PRDM2: variants seen among roughly 807,000 people sequenced by gnomAD.
The protein encoded by PRDM2 is PR/SET domain 2.
PRDM2 carries 30 observed loss-of-function variants against 130.0 expected under a neutral mutation model. The ratio of observed to expected loss-of-function variants is 0.23; its 90% CI spans 0.17 to 0.31. The LOEUF is 0.31. Among genes scored for constraint, PRDM2 ranks in the 10% least tolerant of loss-of-function variants. The pLI, the probability that PRDM2 is intolerant of heterozygous loss-of-function variation, is 1.00. For synonymous variants in PRDM2, 871 were observed against 782.4 expected (o/e 1.11, Z -1.89); for missense variants, 2,011 against 2,108.4 (o/e 0.95, Z 0.90).
At chr1:13,755,163 C>G (rs757366881) in intron 6 of PRDM2, among the ~76,000 whole-genome samples, 1 of 152,124 alleles carries the variant, frequency 6.6e-6, no homozygotes, top group Non-Finnish European at 1.5e-5. Context: ...CTGAATTGCT[C>G]CAAATTTAGA....
chr1:13,723,417 A>G (rs1055404646), intron 2 of PRDM2, among the ~76,000 whole-genome samples: 10 of 152,166 alleles, frequency 6.6e-5, no homozygotes, highest in African/African-American at 2.4e-4. Context: ...TGCTGCTAAT[A>G]TGTGCAGGAT....
At chr1:13,784,644 A>C (rs1644696834) in intron 8 of PRDM2, among the ~76,000 whole-genome samples, 1 of 152,232 alleles carries the variant, frequency 6.6e-6, no homozygotes, top group Non-Finnish European at 1.5e-5. Flanking sequence ...AAGGGCCTTA[A>C]AAATCATGTC....
At chr1:13,769,004 C>A in intron 6 of PRDM2, 1 of 404,954 alleles carries the variant, frequency 2.5e-6, no homozygotes, top group South Asian at 1.0e-4. Flanking sequence ...AATTTCTCAT[C>A]TTGATGTATT....
At chr1:13,776,453 C>T (rs893378002) in intron 7 of PRDM2, among the ~76,000 whole-genome samples, 6 of 152,172 alleles carry the variant, frequency 3.9e-5, no homozygotes, top group African/African-American at 1.2e-4. Context: ...CACGAAACCG[C>T]GATTACAGCT....
chr1:13,778,980 T>C lies in PRDM2; in HGVS notation c.1185T>C (p.Cys395=). 6.2e-7 allele frequency: 1 copy of C among 1,614,168 alleles called. No homozygotes were observed. The highest frequency in any genetic ancestry group is 8.5e-7 in the Non-Finnish European group (1 of 1,180,036). Residue 395 remains cysteine (C), a synonymous_variant, in exon 8 of 10, where the codon TGT becomes TGC. Coordinates refer to ENST00000311066, the MANE Select transcript of PRDM2 (RefSeq NM_001393986.1). ...TVNHAFKCKY[C]GKAFGTQINR... ...ATCATGCTTTCAAATGCAAGTACTGTGGGAAAGCCTTTGGCACACAGATTA... is the reference window on the plus strand; with the variant it reads ...ATCATGCTTTCAAATGCAAGTACTGCGGGAAAGCCTTTGGCACACAGATTA...
At chr1:13,718,206 G>A (rs956728014) in intron 2 of PRDM2, among the ~76,000 whole-genome samples, 2 of 152,114 alleles carry the variant, frequency 1.3e-5, no homozygotes, top group Admixed American at 6.5e-5. Context: ...ATAAAATCCC[G>A]ATGGTTATTT....
chr1:13,791,287 T>G (rs1170651147), intron 8 of PRDM2, among the ~76,000 whole-genome samples: 3 of 152,166 alleles, frequency 2.0e-5, no homozygotes, highest in African/African-American at 7.2e-5. Flanking sequence ...CTGGACCCAT[T>G]TGCTTTTAGT....
intron 6 of PRDM2, among the ~76,000 whole-genome samples, chr1:13,764,163 T>G (rs979369860): frequency 6.6e-6 from 1 of 152,194 alleles, no homozygotes; most frequent in Non-Finnish European, 1.5e-5. Flanking sequence ...CGTGGCTGTC[T>G]CTTCTGTTTT....
Position 13,806,606 on chromosome 1 carries a change from C to T in PRDM2, c.5037-9821C>T, listed in dbSNP as rs1645089972. 1.3e-5 allele frequency among the ~76,000 whole-genome samples: 2 copies of T among 152,182 alleles called. No homozygotes were observed. The highest frequency in any genetic ancestry group is 2.4e-5 in the African/African-American group (1 of 41,440). On this transcript the variant is annotated intron_variant, in intron 8 of 9. Coordinates refer to ENST00000311066, the MANE Select transcript of PRDM2 (RefSeq NM_001393986.1). This position sits in a 1 kb window ranked among gnomAD's most constrained non-coding sequence, Gnocchi z 4.1. ...TCCAGCTCATCAGCAGATCCCCAAA[C>T]TCACCCGGAATCCACAGCTTCTCTC...
chr1:13,728,340 G>A (rs534327321), intron 2 of PRDM2, among the ~76,000 whole-genome samples: 55 of 152,310 alleles, frequency 3.6e-4, no homozygotes, highest in African/African-American at 1.3e-3. Context: ...TTAAAATTGT[G>A]GTAAGAGCTG....
At chr1:13,777,836 A>G (rs1399809634) in intron 7 of PRDM2, among the ~76,000 whole-genome samples, 1 of 151,644 alleles carries the variant, frequency 6.6e-6, no homozygotes, top group Non-Finnish European at 1.5e-5. Context: ...CTTAGAAGAG[A>G]TGATCTCCAA....
chr1:13,754,268 T>TG lies in PRDM2; in HGVS notation c.511+4784dup, dbSNP rs536745446. 1.5e-4 allele frequency among the ~76,000 whole-genome samples: 23 copies of TG among 152,196 alleles called. No individual in the cohort carries two copies. The South Asian group carries it at 3.3e-3, about 22-fold the overall frequency. ...TCTGCCAGGCGCTGCACCAAGTGGC[T>TG]GGGTTGGTTGGTGGGGGAGATGAGA... On this transcript the variant is annotated intron_variant, in intron 6 of 9. Transcript: ENST00000311066.
At position 13,781,256 on chromosome 1, in the gene PRDM2, C is replaced by T; in HGVS notation, c.3461C>T (p.Ser1154Phe). 4.3e-6 allele frequency: 7 copies of T among 1,614,256 alleles called. No homozygotes were observed. Among genetic ancestry groups the T allele is most frequent in the Non-Finnish European group, 5.9e-6 (7 of 1,180,046 alleles). ...ATTAAAGATCTAACCAAACATTTAT[C>T]TATTCATGCTGAAGAATGGCCCTTC... ...LSIKDLTKHL[S>F]IHAEEWPFKC... Residue 1154 changes from serine (S) to phenylalanine (F), a missense_variant, in exon 8 of 10, where the codon TCT becomes TTT. Transcript: ENST00000311066. The surrounding 1 kb of genome is among the most constrained non-coding windows in gnomAD (Gnocchi z 6.1).
chr1:13,742,276 C>T (rs541183312), intron 5 of PRDM2, 119 bp downstream of exon 5: 14 of 1,177,960 alleles, frequency 1.2e-5, no homozygotes, highest in Non-Finnish European at 1.7e-5. Flanking sequence ...TCACGGCTCA[C>T]TGCAGCCTAA....
intron 8 of PRDM2, among the ~76,000 whole-genome samples, chr1:13,789,929 C>T (rs911966657): frequency 6.6e-6 from 1 of 152,332 alleles, no homozygotes; most frequent in South Asian, 2.1e-4. Flanking sequence ...CTGCAGCTGC[C>T]GCTTCAGGCA....
intron 6 of PRDM2, among the ~76,000 whole-genome samples, chr1:13,759,227 C>T (rs1263086412): frequency 6.7e-6 from 1 of 150,316 alleles, no homozygotes; most frequent in East Asian, 2.0e-4. Flanking sequence ...TATTTATAAA[C>T]CTACCTCTTG....
rs925380864 is a variant in PRDM2 at position 13,782,054 on chromosome 1, A to G, written c.4259A>G (p.Asn1420Ser). Residue 1420 changes from asparagine (N) to serine (S), a missense_variant, in exon 8 of 10, where the codon AAT becomes AGT. This residue lies in a region of PRDM2 where 410 missense variants were observed against 395.9 expected (regional missense o/e 1.04). Transcript: ENST00000311066. ...SKMSSNKLKL[N>S]ALKKKNQLVQ... ...ATGTCGTCGAATAAGCTCAAATTAA[A>G]TGCATTGAAGAAAAAAAATCAGCTA... 6 of 1,614,040 alleles carry G rather than the reference A, an allele frequency of 3.7e-6. No homozygotes were observed. In the East Asian group the frequency reaches 6.7e-5, roughly 18 times the overall value.
At position 13,752,752 on chromosome 1, in the gene PRDM2, G is replaced by C. The variant is rs532546078; in HGVS notation, c.511+3265G>C. Among the ~76,000 whole-genome samples the C allele has an allele frequency of 1.1e-3, 174 of 152,294 alleles. 3 individuals carry two copies. In the South Asian group the frequency reaches 0.035, roughly 31 times the overall value. ...TGGCTTTCTACAAATGGGCTTAGTG[G>C]AAGGAATGAAAAAGACGGGATGCCT... On this transcript the variant is annotated intron_variant, in intron 6 of 9. Transcript: ENST00000311066.
chr1:13,734,247 G>A (rs937589229), intron 4 of PRDM2, among the ~76,000 whole-genome samples: 5 of 152,144 alleles, frequency 3.3e-5, no homozygotes, highest in Non-Finnish European at 7.3e-5. Context: ...TAAAGATAAT[G>A]CCTGCATGAT....
Sources: gnomAD v4.1 joint callset for allele counts (sites outside exome capture counted in the v4.1 genomes callset) on GRCh38, gnomAD v4.1.1 for gene constraint, gnomAD v4.1.1 regional missense constraint, Gnocchi (gnomAD v3.1) non-coding constraint, MANE v1.5 for transcripts, NCBI Gene and HGNC (gene_info 2026-07-23, HGNC 2026-07-21) for gene names.